Variants in DOCK1 observed in about 807,000 individuals in gnomAD.
The protein encoded by DOCK1 is dedicator of cytokinesis protein 1.
In DOCK1, 138 loss-of-function variants were observed where a neutral mutation model predicts 262.7. That is an observed-to-expected ratio of 0.53 (90% CI 0.46 to 0.61). DOCK1 has a LOEUF of 0.61. Ranked by LOEUF, DOCK1 falls within the 20% of genes least tolerant of loss-of-function variation. DOCK1 has a pLI of 0.00. For missense variants in DOCK1, 1,908 were observed against 2,370.7 expected (o/e 0.80, Z 4.05); for synonymous variants, 866 against 867.4 (o/e 1.00, Z 0.03).
intron 49 of DOCK1, among the ~76,000 whole-genome samples, chr10:127,441,802 G>A (rs566559322): frequency 3.3e-5 from 5 of 151,304 alleles, no homozygotes; most frequent in East Asian, 2.0e-4. Flanking sequence ...GGCTGGGTTC[G>A]GTTTCCTACT....
At chr10:126,987,346 C>T (rs1235671398) in intron 4 of DOCK1, among the ~76,000 whole-genome samples, 175 bp from the exon 5 acceptor site, 1 of 152,180 alleles carries the variant, frequency 6.6e-6, no homozygotes, top group Non-Finnish European at 1.5e-5. Flanking sequence ...ACAAATATAA[C>T]TTGTCATTCG....
chr10:126,938,721 C>A (rs938811310), intron 1 of DOCK1, among the ~76,000 whole-genome samples: 37 of 150,560 alleles, frequency 2.5e-4, no homozygotes, highest in African/African-American at 8.2e-4. Flanking sequence ...CAAAATGGCA[C>A]CTTGCTGCTA....
intron 30 of DOCK1, among the ~76,000 whole-genome samples, chr10:127,341,181 C>T (rs1000230509): frequency 3.3e-5 from 5 of 152,134 alleles, no homozygotes; most frequent in East Asian, 3.9e-4. Flanking sequence ...CTTTTTCCCA[C>T]GTCATTTCAT....
At chr10:127,410,121 G>C (rs1421428905) in intron 42 of DOCK1, among the ~76,000 whole-genome samples, 1 of 152,134 alleles carries the variant, frequency 6.6e-6, no homozygotes, top group East Asian at 1.9e-4. Context: ...CTGAAGTTTG[G>C]TGGTTTCTTT....
At chr10:126,951,320 GTAT>G (rs1396404688) in intron 1 of DOCK1, among the ~76,000 whole-genome samples, 13 of 151,542 alleles carry the variant, frequency 8.6e-5, no homozygotes, top group Non-Finnish European at 1.9e-4. Flanking sequence ...ATTGTTGGTA[GTAT>G]TGTTGGTGAT....
At chr10:127,397,198 C>CTT (rs1254997055) in intron 38 of DOCK1, among the ~76,000 whole-genome samples, 1 of 116,872 alleles carries the variant, frequency 8.6e-6, no homozygotes, top group Non-Finnish European at 1.8e-5. Flanking sequence ...GCAGCGTCTC[C>CTT]TGTGATCTGA....
intron 13 of DOCK1, among the ~76,000 whole-genome samples, chr10:127,021,724 A>G (rs1356530798): frequency 2.0e-5 from 3 of 152,154 alleles, no homozygotes; most frequent in Non-Finnish European, 4.4e-5. Context: ...CCACACAGCT[A>G]CTGTGGCTGT....
intron 33 of DOCK1, among the ~76,000 whole-genome samples, chr10:127,368,487 G>T (rs993979395): frequency 2.7e-5 from 4 of 149,968 alleles, no homozygotes; most frequent in Admixed American, 1.3e-4. Flanking sequence ...CCACCCCCTC[G>T]CCCTGTGCCC....
intron 1 of DOCK1, among the ~76,000 whole-genome samples, chr10:126,954,488 AAC>A (rs2036573294): frequency 6.6e-6 from 1 of 152,236 alleles, no homozygotes; most frequent in East Asian, 1.9e-4. Context: ...AGTGGCGTTA[AAC>A]ACACTGACGT....
chr10:127,369,423 G>A lies in DOCK1; in HGVS notation c.3433-4358G>A, dbSNP rs539679985. ...ATGGAAACCAAGATCCTTGACTCCA[G>A]GAGCTGCGATTATATTGAATTTCAT... On this transcript the variant is annotated intron_variant, in intron 33 of 51. Transcript: ENST00000623213. Among the ~76,000 whole-genome samples the A allele has an allele frequency of 9.2e-5, 14 of 152,346 alleles. No homozygotes were observed. In the South Asian group the frequency reaches 2.9e-3, roughly 32 times the overall value.
intron 29 of DOCK1, among the ~76,000 whole-genome samples, chr10:127,268,189 A>G (rs989888629): frequency 1.3e-5 from 2 of 152,140 alleles, no homozygotes; most frequent in African/African-American, 4.8e-5. Flanking sequence ...GAAAAAACAG[A>G]GTCCAGAGTC....
intron 51 of DOCK1, among the ~76,000 whole-genome samples, chr10:127,449,482 A>G (rs2070814844): frequency 6.6e-6 from 1 of 152,212 alleles, no homozygotes; most frequent in Non-Finnish European, 1.5e-5. Flanking sequence ...GATGCCACAT[A>G]CAGTTGATTA....
intron 1 of DOCK1, among the ~76,000 whole-genome samples, chr10:126,942,407 C>A (rs1461514004): frequency 6.6e-6 from 1 of 152,164 alleles, no homozygotes; most frequent in Non-Finnish European, 1.5e-5. Context: ...TTCTAGGTTT[C>A]TTTTCGAGTG....
chr10:127,215,898 C>G (rs901829743), intron 27 of DOCK1, among the ~76,000 whole-genome samples: 2 of 152,042 alleles, frequency 1.3e-5, no homozygotes, highest in African/African-American at 4.8e-5. Flanking sequence ...AAGATTTCCC[C>G]TTTATTACTA....
intron 27 of DOCK1, among the ~76,000 whole-genome samples, chr10:127,194,128 A>AT (rs1414723694): frequency 6.6e-6 from 1 of 152,226 alleles, no homozygotes; most frequent in Admixed American, 6.5e-5. Flanking sequence ...ATTAAACTGA[A>AT]TTGTTTAGTC....
chr10:127,451,296 G>T, intron 51 of DOCK1, 36 bp from the exon 52 acceptor site: 1 of 1,562,174 alleles, frequency 6.4e-7, no homozygotes, highest in Non-Finnish European at 8.7e-7. Flanking sequence ...CAGGACATCA[G>T]TTATGTGACA....
At chr10:127,447,250 A>G in intron 50 of DOCK1, 144 bp from the exon 51 acceptor site, 1 of 1,199,698 alleles carries the variant, frequency 8.3e-7, no homozygotes. Context: ...CCCTGCCCTC[A>G]TCTGCTCTGT....
chr10:126,986,302 A>G (rs988934895), intron 4 of DOCK1, among the ~76,000 whole-genome samples: 3 of 150,472 alleles, frequency 2.0e-5, no homozygotes, highest in African/African-American at 7.3e-5. Context: ...ATAAGTCATC[A>G]CAGGCCTGAT....
At chr10:127,261,664 T>G (rs1337722908) in intron 29 of DOCK1, among the ~76,000 whole-genome samples, 1 of 127,546 alleles carries the variant, frequency 7.8e-6, no homozygotes, top group Non-Finnish European at 1.6e-5. Flanking sequence ...CATGTGGGTG[T>G]GTGTGTACCT....
Sources: allele counts gnomAD v4.1 joint callset (sites outside exome capture counted in the v4.1 genomes callset), GRCh38; gene constraint gnomAD v4.1.1; transcripts MANE v1.5; gene names NCBI Gene and HGNC (gene_info 2026-07-23, HGNC 2026-07-21).